The following AFG1L variants were observed in gnomAD, a reference collection of about 807,000 sequenced individuals.
AFG1L encodes the protein AFG1-like ATPase.
A neutral mutation model predicts 62.2 loss-of-function variants in AFG1L; 53 were observed. The ratio of observed to expected loss-of-function variants is 0.85; its 90% CI spans 0.68 to 1.07. AFG1L has a LOEUF of 1.07. Among genes scored for constraint, AFG1L ranks in the 50% least tolerant of loss-of-function variants. AFG1L has a pLI of 0.00. For synonymous variants in AFG1L, 228 were observed against 210.3 expected (o/e 1.08, Z -0.73); for missense variants, 555 against 590.5 (o/e 0.94, Z 0.62).
chr6:108,396,364 C>T (rs1395217535), intron 6 of AFG1L, among the ~76,000 whole-genome samples: 1 of 152,108 alleles, frequency 6.6e-6, no homozygotes. Flanking sequence ...TAAAAAACAT[C>T]TTCCTAAGGC....
intron 1 of AFG1L, among the ~76,000 whole-genome samples, chr6:108,313,682 G>A (rs1777491717): frequency 6.6e-6 from 1 of 152,030 alleles, no homozygotes; most frequent in Non-Finnish European, 1.5e-5. Flanking sequence ...CTGGTACAAA[G>A]GTGTGCACCA....
rs1039728119 is a variant in AFG1L, at chr6:108,399,058, A to G, written c.749-2938A>G. 6.6e-5 allele frequency among the ~76,000 whole-genome samples: 10 copies of G among 150,592 alleles called. No homozygotes were observed. In the East Asian group the frequency reaches 1.9e-3, roughly 29 times the overall value. ...TGGATAGTATGAGCATTTTAACAAT[A>G]TTGATTCTTCCAATCTATGAATACG... On this transcript the variant is annotated intron_variant, in intron 6 of 12. Transcript: ENST00000368977.
At position 108,345,052 on chromosome 6, in the gene AFG1L, G is replaced by A. The variant is rs80126356; in HGVS notation, c.364-1936G>A. ...ATGTTTTCTTCTTGCTGAGTAGGAA[G>A]TTTTGTTCATACCCTGAATTTATGA... On this transcript the variant is annotated intron_variant, in intron 2 of 12. Coordinates refer to ENST00000368977, the MANE Select transcript of AFG1L (RefSeq NM_145315.5). Among the ~76,000 whole-genome samples, 305 of 152,204 alleles carry A rather than the reference G, an allele frequency of 2.0e-3. 2 individuals carry two copies. Among genetic ancestry groups the A allele is most frequent in the African/African-American group, 6.8e-3 (281 of 41,538 alleles).
At chr6:108,517,858 C>T (rs1175218275) in intron 11 of AFG1L, among the ~76,000 whole-genome samples, 1 of 152,214 alleles carries the variant, frequency 6.6e-6, no homozygotes, top group Non-Finnish European at 1.5e-5. Context: ...TGAACAGACA[C>T]TTCTCAAAAG....
intron 6 of AFG1L, among the ~76,000 whole-genome samples, chr6:108,389,860 A>T (rs1780968015): frequency 6.6e-6 from 1 of 151,748 alleles, no homozygotes. Context: ...CGTGTCTTGG[A>T]GTTGTTTTTC....
intron 10 of AFG1L, among the ~76,000 whole-genome samples, chr6:108,479,390 T>C (rs1773246999): frequency 6.6e-6 from 1 of 152,182 alleles, no homozygotes; most frequent in Non-Finnish European, 1.5e-5. Flanking sequence ...TGAGTTTGCA[T>C]GGACAGGTTT....
intron 10 of AFG1L, among the ~76,000 whole-genome samples, chr6:108,493,617 T>A (rs144524529): frequency 2.8e-3 from 419 of 152,284 alleles, no homozygotes; most frequent in Middle Eastern, 0.017. Context: ...CTCCTAGATT[T>A]TAGATGTCTA....
At chr6:108,423,350 A>G (rs547886905) in intron 7 of AFG1L, among the ~76,000 whole-genome samples, 3 of 152,194 alleles carry the variant, frequency 2.0e-5, no homozygotes, top group Non-Finnish European at 2.9e-5. Flanking sequence ...TAATTACCCC[A>G]GAGGTCATGT....
At chr6:108,344,651 G>A (rs1185394900) in intron 2 of AFG1L, 4 of 462,884 alleles carry the variant, frequency 8.6e-6, no homozygotes, top group Non-Finnish European at 1.8e-5. Flanking sequence ...TAGGTTTTGA[G>A]AATGTTCTCT....
chr6:108,379,732 C>G (rs1053250566), intron 6 of AFG1L, among the ~76,000 whole-genome samples: 12 of 152,236 alleles, frequency 7.9e-5, no homozygotes, highest in Non-Finnish European at 1.3e-4. Flanking sequence ...AGGAGATGCC[C>G]TAAGCTCCTC....
intron 1 of AFG1L, among the ~76,000 whole-genome samples, chr6:108,301,661 A>T (rs1777006521): frequency 6.6e-6 from 1 of 152,252 alleles, no homozygotes; most frequent in Non-Finnish European, 1.5e-5. Context: ...TGAAGAGTAC[A>T]ATAGCAATAT....
intron 10 of AFG1L, among the ~76,000 whole-genome samples, chr6:108,498,573 G>T (rs932036146): frequency 6.6e-6 from 1 of 152,122 alleles, no homozygotes; most frequent in Non-Finnish European, 1.5e-5. Flanking sequence ...GATACACAGG[G>T]TTATGTAAGA....
chr6:108,307,730 A>G (rs1297179624), intron 1 of AFG1L, among the ~76,000 whole-genome samples: 1 of 152,176 alleles, frequency 6.6e-6, no homozygotes, highest in Non-Finnish European at 1.5e-5. Context: ...TATTTTATAC[A>G]TATGTTCAGC....
chr6:108,446,104 C>T (rs1313998047), intron 7 of AFG1L, among the ~76,000 whole-genome samples: 1 of 135,370 alleles, frequency 7.4e-6, no homozygotes, highest in Admixed American at 7.3e-5. Context: ...ACACACACAC[C>T]CCTACATATA....
At chr6:108,471,081 T>G (rs1390279558) in intron 8 of AFG1L, among the ~76,000 whole-genome samples, 4 of 152,172 alleles carry the variant, frequency 2.6e-5, no homozygotes, top group African/African-American at 9.7e-5. Context: ...TGGTCGACCA[T>G]GAGGAGGGAG....
At chr6:108,489,994 A>T (rs1773712646) in intron 10 of AFG1L, among the ~76,000 whole-genome samples, 1 of 152,260 alleles carries the variant, frequency 6.6e-6, no homozygotes, top group Non-Finnish European at 1.5e-5. Context: ...GAGGACTAGT[A>T]TAGTTTAATC....
intron 1 of AFG1L, among the ~76,000 whole-genome samples, chr6:108,323,479 AG>A (rs1443013133): frequency 6.6e-6 from 1 of 152,058 alleles, no homozygotes; most frequent in Non-Finnish European, 1.5e-5. Flanking sequence ...TTCGTGCCTC[AG>A]CCCCCCAGGT....
At chr6:108,481,133 A>G (rs1336993001) in intron 10 of AFG1L, among the ~76,000 whole-genome samples, 1 of 152,178 alleles carries the variant, frequency 6.6e-6, no homozygotes, top group Admixed American at 6.5e-5. Context: ...TCTTCCTGCC[A>G]TGACAAAGGT....
chr6:108,432,573 C>T (rs1364866675), intron 7 of AFG1L, among the ~76,000 whole-genome samples: 1 of 152,204 alleles, frequency 6.6e-6, no homozygotes, highest in African/African-American at 2.4e-5. Context: ...AACACCAGCC[C>T]TCGATGATCC....
Sources: allele counts gnomAD v4.1 joint callset (sites outside exome capture counted in the v4.1 genomes callset), GRCh38; gene constraint gnomAD v4.1.1; transcripts MANE v1.5; gene names NCBI Gene and HGNC (gene_info 2026-07-23, HGNC 2026-07-21).